Variants in TGFBR3 observed in about 807,000 individuals in gnomAD.
TGFBR3 encodes transforming growth factor beta receptor 3.
TGFBR3 carries 46 observed loss-of-function variants against 87.9 expected under a neutral mutation model. The observed-to-expected ratio is 0.52, with a 90% CI of 0.41 to 0.67. The LOEUF (loss-of-function observed/expected upper bound fraction) is 0.67. TGFBR3 is among the 30% of genes least tolerant of loss of function. TGFBR3 has a pLI of 0.00. For missense variants in TGFBR3, 866 were observed against 1,041.9 expected, an observed-to-expected ratio of 0.83 and a Z score of 2.32; for synonymous variants, 381 against 391.6, an observed-to-expected ratio of 0.97 and a Z score of 0.32.
chr1:91,755,444 G>A (rs898192846), intron 4 of TGFBR3, among the ~76,000 whole-genome samples: 7 of 152,078 alleles, frequency 4.6e-5, no homozygotes, highest in Admixed American at 6.6e-5. Context: ...ATGTGCAGAC[G>A]GGAAAAAAAC....
intron 5 of TGFBR3, among the ~76,000 whole-genome samples, chr1:91,731,617 G>A (rs1029111311): frequency 2.0e-5 from 3 of 152,168 alleles, no homozygotes; most frequent in East Asian, 1.9e-4. Flanking sequence ...ATATTGGAAC[G>A]GCAAGGTTGA....
At chr1:91,869,192 C>T (rs10493856) in intron 1 of TGFBR3, among the ~76,000 whole-genome samples, 77,392 of 151,996 alleles carry the variant, frequency 0.51, 20,685 homozygotes, top group Middle Eastern at 0.61. Context: ...ACACCTAGAA[C>T]GCAGTACAAC....
intron 3 of TGFBR3, among the ~76,000 whole-genome samples, chr1:91,789,643 C>A (rs1387264941): frequency 6.6e-6 from 1 of 152,220 alleles, no homozygotes; most frequent in Non-Finnish European, 1.5e-5. Flanking sequence ...TTTCTGCTTT[C>A]ACTTTTTCTA....
chr1:91,871,783 C>A (rs991605289), intron 1 of TGFBR3, among the ~76,000 whole-genome samples: 8 of 152,102 alleles, frequency 5.3e-5, no homozygotes, highest in Admixed American at 1.3e-4. Context: ...AAGTGCGGGG[C>A]CCCCATAGCC....
intron 4 of TGFBR3, among the ~76,000 whole-genome samples, chr1:91,748,361 G>C (rs1457676300): frequency 6.6e-6 from 1 of 152,208 alleles, no homozygotes; most frequent in African/African-American, 2.4e-5. Flanking sequence ...GATAGATGTA[G>C]ATATTAGGGC....
intron 3 of TGFBR3, among the ~76,000 whole-genome samples, chr1:91,795,003 A>C (rs966656754): frequency 5.3e-5 from 8 of 152,244 alleles, no homozygotes; most frequent in African/African-American, 1.9e-4. Flanking sequence ...AGCGATATTT[A>C]ATCCTTATAC....
intron 4 of TGFBR3, among the ~76,000 whole-genome samples, chr1:91,752,398 C>T (rs1673575261): frequency 6.6e-6 from 1 of 152,046 alleles, no homozygotes; most frequent in Admixed American, 6.6e-5. Context: ...TACACACATT[C>T]ACATACATTT....
chr1:91,740,640 T>C (rs1571461578), intron 4 of TGFBR3, among the ~76,000 whole-genome samples: 1 of 152,178 alleles, frequency 6.6e-6, no homozygotes, highest in South Asian at 2.1e-4. Flanking sequence ...GCTGGGATTA[T>C]AGGCCTGAGC....
At chr1:91,857,560 T>C (rs1678007355) in intron 2 of TGFBR3, among the ~76,000 whole-genome samples, 1 of 152,200 alleles carries the variant, frequency 6.6e-6, no homozygotes, top group African/African-American at 2.4e-5. Context: ...GTCTTTGGGT[T>C]TTACTTGGCT....
intron 6 of TGFBR3, chr1:91,728,016 A>G (rs1672608337): frequency 1.7e-6 from 1 of 599,780 alleles, no homozygotes; most frequent in Non-Finnish European, 2.9e-6. Flanking sequence ...GCTTGCTGAT[A>G]ATTAGTCACT....
At chr1:91,859,908 CA>C (rs544117317) in intron 2 of TGFBR3, among the ~76,000 whole-genome samples, 7,292 of 85,512 alleles carry the variant, frequency 0.085, 171 homozygotes, top group Middle Eastern at 0.12. Context: ...GACTCCATCT[CA>C]AAAAAAAAAA....
intron 1 of TGFBR3, among the ~76,000 whole-genome samples, chr1:91,866,062 G>T (rs1283915610): frequency 2.0e-5 from 3 of 152,052 alleles, no homozygotes; most frequent in Admixed American, 2.0e-4. Flanking sequence ...ATGCCCTCAT[G>T]ACCCAACAGA....
chr1:91,903,110 G>A (rs568782857), intron 1 of TGFBR3, among the ~76,000 whole-genome samples: 4 of 151,236 alleles, frequency 2.6e-5, no homozygotes, highest in Admixed American at 2.6e-4. Flanking sequence ...GATGGTGGGG[G>A]TGGTGATCAC....
intron 2 of TGFBR3, among the ~76,000 whole-genome samples, chr1:91,809,367 A>T (rs992134607): frequency 2.0e-5 from 3 of 152,180 alleles, no homozygotes; most frequent in African/African-American, 7.2e-5. Context: ...GGGCCTGGTG[A>T]GCATTCTGTT....
At chr1:91,702,794 C>T (rs1197369718) in intron 14 of TGFBR3, among the ~76,000 whole-genome samples, 1 of 152,114 alleles carries the variant, frequency 6.6e-6, no homozygotes, top group Non-Finnish European at 1.5e-5. Context: ...CCTGTAATCC[C>T]AGCACTTTGG....
chr1:91,801,519 T>A (rs369256843), intron 2 of TGFBR3, among the ~76,000 whole-genome samples: 6 of 152,098 alleles, frequency 3.9e-5, no homozygotes, highest in Admixed American at 3.9e-4. Flanking sequence ...AATAAAAAAG[T>A]GGTCATAGAT....
At chr1:91,683,973 G>C (rs1343159302) in intron 16 of TGFBR3, 116 bp from the exon 17 acceptor site, 1 of 946,572 alleles carries the variant, frequency 1.1e-6, no homozygotes, top group African/African-American at 1.6e-5. Context: ...TCTCAACCAG[G>C]GCAGAAGCAA....
At position 91,713,914 on chromosome 1, in the gene TGFBR3, T is replaced by C. The variant is rs112388322; in HGVS notation, c.1867-1372A>G. Among the ~76,000 whole-genome samples, 12 of 152,066 alleles carry C rather than the reference T, an allele frequency of 7.9e-5. 1 individual carries two copies. The highest frequency in any genetic ancestry group is 2.9e-4 in the African/African-American group (12 of 41,480). On this transcript the variant is annotated intron_variant, in intron 12 of 16. Transcript: ENST00000212355. ...GAGGGACTGCAAATCTCTTCTCTAA[T>C]CTCAAAAGAAAGTATGTAGCGGCAG...
At chr1:91,857,216 A>G (rs1677989158) in intron 2 of TGFBR3, among the ~76,000 whole-genome samples, 1 of 152,176 alleles carries the variant, frequency 6.6e-6, no homozygotes, top group African/African-American at 2.4e-5. Context: ...AAGGGATGGA[A>G]GAAGAGAGCA....
Sources: allele counts gnomAD v4.1 joint callset (sites outside exome capture counted in the v4.1 genomes callset), GRCh38; gene constraint gnomAD v4.1.1; transcripts MANE v1.5; gene names NCBI Gene and HGNC (gene_info 2026-07-23, HGNC 2026-07-21).